Variants in DNAH2 observed in about 807,000 individuals in gnomAD.
DNAH2 encodes the protein axonemal beta dynein heavy chain 2.
Under a neutral mutation model 523.5 loss-of-function variants are expected in DNAH2, and 323 were observed. The ratio of observed to expected loss-of-function variants is 0.62; its 90% CI spans 0.56 to 0.68. The LOEUF (loss-of-function observed/expected upper bound fraction) is 0.68. DNAH2 is among the 30% of genes least tolerant of loss of function. The pLI, the probability that DNAH2 is intolerant of heterozygous loss-of-function variation, is 0.00. For synonymous variants in DNAH2, 2,093 were observed against 2,177.4 expected, an observed-to-expected ratio of 0.96 and a Z score of 1.08; for missense variants, 4,907 against 5,701.5, an observed-to-expected ratio of 0.86 and a Z score of 4.49.
chr17:7,787,813 TG>T (rs2076782021), intron 42 of DNAH2, 46 bp from the exon 43 acceptor site: 2 of 1,527,258 alleles, frequency 1.3e-6, no homozygotes, highest in East Asian at 4.8e-5. Context: ...TTCCTGAAGG[TG>T]GGGGATGCAG....
At chr17:7,755,190 G>T (rs1226784147) in intron 12 of DNAH2, among the ~76,000 whole-genome samples, 1 of 152,186 alleles carries the variant, frequency 6.6e-6, no homozygotes, top group Non-Finnish European at 1.5e-5. Flanking sequence ...GGAAGACCAG[G>T]TTTGAGAAGA....
Position 7,801,644 on chromosome 17 carries a change from C to T in DNAH2, c.8766C>T (p.Pro2922=). The T allele has an allele frequency of 6.2e-7, 1 of 1,614,156 alleles. No homozygotes were observed. The highest frequency in any genetic ancestry group is 1.3e-5 in the African/African-American group (1 of 75,040). The change falls in exon 57 of 86, where the codon CCC becomes CCT. Residue 2922 remains proline, a synonymous_variant. Coordinates refer to ENST00000572933, the MANE Select transcript of DNAH2 (RefSeq NM_020877.5). ...CCATCAACTGGTTCTCAGAGTGGCCCCAAGAGGCCCTGCTCGAGGTGGCTG... is the reference window on the plus strand; with the variant it reads ...CCATCAACTGGTTCTCAGAGTGGCCTCAAGAGGCCCTGCTCGAGGTGGCTG... ...CTTINWFSEW[P]QEALLEVAEK...
rs149406306 is a variant in DNAH2 at position 7,830,345 on chromosome 17, C to T, written c.11899C>T (p.Pro3967Ser). Residue 3967 changes from proline to serine, a missense_variant, in exon 78 of 86, where the codon CCA becomes TCA. Physicochemically the swap from Pro to Ser is moderately conservative, Grantham distance 74. Around this residue, in one of 3 missense-constraint regions of DNAH2, gnomAD observed 1,851 missense variants for 2,139.4 expected, o/e 0.87. Transcript: ENST00000572933. The stretch of plus-strand genomic sequence containing the variant: ...ACGTCTTTACCAACTGATGTCAGAA[C>T]CACAGTTTTCCCGCTGCTCCAAACC... The part of the protein sequence containing the change: ...MTRLYQLMSE[P>S]QFSRCSKPAK... 3,906 of 1,614,248 alleles carry T rather than the reference C, an allele frequency of 2.4e-3. 20 individuals carry two copies. The highest frequency in any genetic ancestry group is 0.015 in the Middle Eastern group (93 of 6,062).
intron 12 of DNAH2, among the ~76,000 whole-genome samples, 173 bp from the exon 13 acceptor site, chr17:7,756,918 G>A (rs1431735226): frequency 1.3e-5 from 2 of 152,212 alleles, no homozygotes; most frequent in African/African-American, 4.8e-5. Flanking sequence ...TGATCCGCCT[G>A]CCTCGGCCCC....
At chr17:7,720,056 C>A (rs2074552909) in intron 2 of DNAH2, among the ~76,000 whole-genome samples, 156 bp downstream of exon 2, 1 of 152,166 alleles carries the variant, frequency 6.6e-6, no homozygotes, top group Non-Finnish European at 1.5e-5. Flanking sequence ...AGCAGCCCTG[C>A]CACTGAGTCC....
At chr17:7,817,884 C>T (rs371965350) in intron 67 of DNAH2, 28 bp downstream of exon 67, 421 of 1,613,764 alleles carry the variant, frequency 2.6e-4, no homozygotes, top group Non-Finnish European at 3.3e-4. Context: ...CAGGTTAGCC[C>T]CCCCCTTCCT....
At chr17:7,771,538 T>C in intron 28 of DNAH2, 70 bp downstream of exon 28, 1 of 1,551,782 alleles carries the variant, frequency 6.4e-7, no homozygotes, top group South Asian at 1.2e-5. Flanking sequence ...GTTGCGTGCT[T>C]CATTTATTAA....
chr17:7,823,228 AGGTTGCAGTGAGCCGAGATTGTGCCATT>A, intron 73 of DNAH2, among the ~76,000 whole-genome samples, 186 bp from the exon 74 acceptor site: 1 of 148,876 alleles, frequency 6.7e-6, no homozygotes, highest in Non-Finnish European at 1.5e-5. Flanking sequence ...TGGGGGTCAG[AGGTTGCAGTGAGCCGAGATTGTGCCATT>A]GCACTCTGGC....
At chr17:7,782,802 TA>T (rs565084045) in intron 39 of DNAH2, among the ~76,000 whole-genome samples, 5,096 of 147,252 alleles carry the variant, frequency 0.035, 137 homozygotes, top group Middle Eastern at 0.093. Flanking sequence ...CTCCATCTCT[TA>T]AAAAAAAAAA....
At chr17:7,797,120 AAC>A in intron 50 of DNAH2, 54 bp from the exon 51 acceptor site, 98 of 1,470,186 alleles carry the variant, frequency 6.7e-5, no homozygotes, top group Non-Finnish European at 8.2e-5. Flanking sequence ...AAAAAAAAAA[AAC>A]TTCTGGAGGG....
Position 7,832,630 on chromosome 17 carries a change from C to G in DNAH2, c.12778C>G (p.Arg4260Gly). The G allele has an allele frequency of 6.2e-7, 1 of 1,614,160 alleles. No homozygotes were observed. Among genetic ancestry groups the G allele is most frequent in the Non-Finnish European group, 8.5e-7 (1 of 1,180,042 alleles). The change falls in exon 83 of 86, where the codon CGT (arginine) becomes GGT (glycine). Residue 4260 changes from arginine to glycine, a missense_variant. Arg to Gly is a moderately radical substitution (Grantham distance 125). Coordinates refer to ENST00000572933, the MANE Select transcript of DNAH2 (RefSeq NM_020877.5). The surrounding 1 kb of genome is among the most constrained non-coding windows in gnomAD (Gnocchi z 4.3). ...LAAWTRDLAM[R>G]VEQFELWASR... ...TGCCTGGACCCGGGACTTGGCCATG[C>G]GTGTGGAGCAGTTTGAGCTGTGGGC...
intron 12 of DNAH2, among the ~76,000 whole-genome samples, chr17:7,753,686 G>A (rs551950185): frequency 7.9e-5 from 12 of 152,292 alleles, no homozygotes; most frequent in East Asian, 1.9e-4. Context: ...TGTGGCTCAC[G>A]CCTGTAACCC....
chr17:7,727,148 G>T lies in DNAH2; in HGVS notation c.255G>T (p.Ala85=). The T allele has an allele frequency of 6.3e-7, 1 of 1,584,210 alleles. No individual in the cohort carries two copies. The highest frequency in any genetic ancestry group is 8.6e-7 in the Non-Finnish European group (1 of 1,169,474). ...DVKPLFLSRA[A]LTGLADAVWT... ...AGCCCCTCTTCCTTTCCCGAGCTGC[G>T]CTGACAGGACTGGCGGATGCAGTGT... Residue 85 remains alanine (A), a synonymous_variant, in exon 4 of 86, where the codon GCG becomes GCT. Coordinates refer to ENST00000572933, the MANE Select transcript of DNAH2 (RefSeq NM_020877.5).
intron 2 of DNAH2, among the ~76,000 whole-genome samples, chr17:7,720,890 C>T (rs144496217): frequency 3.4e-3 from 522 of 151,746 alleles, no homozygotes; most frequent in Middle Eastern, 0.01. Flanking sequence ...CAGTGAGGTT[C>T]AGTATGGAGA....
At position 7,787,953 on chromosome 17, in the gene DNAH2, G is replaced by C. The variant is rs1906271484; in HGVS notation, c.6697G>C (p.Gly2233Arg). Residue 2233 changes from glycine to arginine, a missense_variant, in exon 43 of 86, where the codon GGC becomes CGC. Transcript: ENST00000572933. The stretch of plus-strand genomic sequence containing the variant: ...GGTCTACACTGACTACGCTGACCTG[G>C]GCTGGAAGCCCTATGTTCAGTCATG... ...GMVYTDYADL[G>R]WKPYVQSWLE... 2 of 1,614,164 alleles carry C rather than the reference G, an allele frequency of 1.2e-6. No individual in the cohort carries two copies. The highest frequency in any genetic ancestry group is 1.7e-6 in the Non-Finnish European group (2 of 1,180,026).
chr17:7,768,732 G>A (rs1436510138), intron 24 of DNAH2, among the ~76,000 whole-genome samples: 5 of 152,080 alleles, frequency 3.3e-5, no homozygotes, highest in Non-Finnish European at 2.9e-5. Flanking sequence ...ACCAGCACTC[G>A]ACTCTGCTTC....
intron 4 of DNAH2, among the ~76,000 whole-genome samples, chr17:7,729,869 AG>A (rs1215882317): frequency 1.3e-5 from 2 of 152,226 alleles, no homozygotes; most frequent in Non-Finnish European, 2.9e-5. Flanking sequence ...TTTAACTTCC[AG>A]GGGCAAAAAT....
In DNAH2 at chr17:7,743,092, G is replaced by A; in HGVS notation, c.1854G>A (p.Leu618=). 1 of 1,557,948 alleles carries A rather than the reference G, an allele frequency of 6.4e-7. No homozygotes were observed. Among genetic ancestry groups the A allele is most frequent in the East Asian group, 2.2e-5 (1 of 44,562 alleles). ...KDCIRRLDTP[L]LRISQEKAGM... The stretch of plus-strand genomic sequence containing the variant: ...GCATTCGGCGGTTGGATACCCCATT[G>A]CTGCGAATCAGCCAGGAGAAGGCGG... Residue 618 remains leucine (L), a synonymous_variant, in exon 12 of 86, where the codon TTG becomes TTA. Coordinates refer to ENST00000572933, the MANE Select transcript of DNAH2 (RefSeq NM_020877.5).
chr17:7,746,432 G>A (rs1213148536), intron 12 of DNAH2, among the ~76,000 whole-genome samples: 1 of 152,048 alleles, frequency 6.6e-6, no homozygotes, highest in Non-Finnish European at 1.5e-5. Flanking sequence ...TATTCCAAGT[G>A]CTTTCAAAAT....
Sources: gnomAD v4.1 joint callset for allele counts (sites outside exome capture counted in the v4.1 genomes callset) on GRCh38, gnomAD v4.1.1 for gene constraint, gnomAD v4.1.1 regional missense constraint, Gnocchi (gnomAD v3.1) non-coding constraint, MANE v1.5 for transcripts, NCBI Gene and HGNC (gene_info 2026-07-23, HGNC 2026-07-21) for gene names.